Variants in TMLHE observed in about 807,000 individuals in gnomAD.
TMLHE encodes the protein trimethyllysine dioxygenase, mitochondrial.
In TMLHE, 18 loss-of-function variants were observed where a neutral mutation model predicts 25.7. The ratio of observed to expected loss-of-function variants is 0.70; its 90% CI spans 0.48 to 1.04. TMLHE has a LOEUF of 1.04. Ranked by LOEUF, TMLHE falls within the 50% of genes least tolerant of loss-of-function variation. TMLHE has a pLI of 0.00. For synonymous variants in TMLHE, 105 were observed against 97.0 expected (o/e 1.08, Z -0.49); for missense variants, 236 against 259.0 (o/e 0.91, Z 0.61).
At chrX:155,612,318 A>G (rs1461937939) in intron 1 of TMLHE, 2 of 111,885 alleles carry the variant, frequency 1.8e-5, no homozygotes, top group East Asian at 5.6e-4. Context: ...AGAACGAAAG[A>G]AAGTGCTGCA....
At chrX:155,512,155 T>A (rs1281968412) in intron 4 of TMLHE, among the ~76,000 whole-genome samples, 1 of 111,402 alleles carries the variant, frequency 9.0e-6, no homozygotes. Context: ...GGAAGTGATT[T>A]TTTTATTTTA....
Position 155,561,721 on chromosome X carries a change from G to T in TMLHE, c.-1-16444C>A, listed in dbSNP as rs1470223544. 5.0e-4 allele frequency among the ~76,000 whole-genome samples: 31 copies of T among 62,389 alleles called. 3 individuals are homozygous for T. The highest frequency in any genetic ancestry group is 1.0e-3 in the African/African-American group (29 of 28,120). 54.2% of individuals were successfully genotyped at this position (62,389 alleles called of 115,157 possible). A position where few individuals can be genotyped will look rare whatever the true frequency, so the allele number is the denominator to read the frequency against. ...TGGGTAAATGCTCCCATTCCAAATG[G>T]GAGAAATTGGCCAAAACAAAGGGGC... On this transcript the variant is annotated intron_variant, in intron 1 of 7. Transcript: ENST00000334398.
chrX:155,507,950 C>T (rs781811976), intron 5 of TMLHE, among the ~76,000 whole-genome samples: 2 of 110,462 alleles, frequency 1.8e-5, no homozygotes, highest in East Asian at 2.8e-4. Context: ...TGAGAGATAC[C>T]GAGATAGAAG....
At chrX:155,570,098 G>A (rs1171893452) in intron 1 of TMLHE, among the ~76,000 whole-genome samples, 2 of 55,839 alleles carry the variant, frequency 3.6e-5, no homozygotes, top group African/African-American at 4.3e-5. Context: ...CCCATCTCAC[G>A]TGCAGAGACA....
intron 5 of TMLHE, 22 bp from the exon 6 acceptor site, chrX:155,507,156 C>A (rs782020589): frequency 1.2e-5 from 13 of 1,095,360 alleles, no homozygotes; most frequent in African/African-American, 1.8e-5. Context: ...AAAGAAAATT[C>A]TTCTGTTCAG....
At chrX:155,546,561 G>T (rs955258197) in intron 1 of TMLHE, among the ~76,000 whole-genome samples, 1 of 111,256 alleles carries the variant, frequency 9.0e-6, no homozygotes, top group South Asian at 3.7e-4. Context: ...TGAGTTGTAA[G>T]CTGATGAAAG....
intron 1 of TMLHE, among the ~76,000 whole-genome samples, chrX:155,600,959 A>T (rs1358871580): frequency 8.9e-6 from 1 of 111,766 alleles, no homozygotes; most frequent in African/African-American, 3.3e-5. Flanking sequence ...ACCCCCTGGA[A>T]GCTAGCATAA....
At chrX:155,541,622 C>T (rs2067312952) in intron 2 of TMLHE, among the ~76,000 whole-genome samples, 1 of 111,913 alleles carries the variant, frequency 8.9e-6, no homozygotes, top group Non-Finnish European at 1.9e-5. Flanking sequence ...AATCTCCACA[C>T]TGTCTTCCAC....
intron 1 of TMLHE, among the ~76,000 whole-genome samples, chrX:155,588,302 CAGA>C (rs1420530076): frequency 9.0e-6 from 1 of 111,638 alleles, no homozygotes; most frequent in Non-Finnish European, 1.9e-5. Flanking sequence ...GACCTGTATG[CAGA>C]AGAATAAAAC....
In TMLHE at chrX:155,568,331, G is replaced by A. The variant is rs1485259295; in HGVS notation, c.-1-23054C>T. Among the ~76,000 whole-genome samples the A allele has an allele frequency of 8.1e-5, 5 of 61,713 alleles. 1 individual carries two copies. Among genetic ancestry groups the A allele is most frequent in the East Asian group, 1.5e-3 (2 of 1,375 alleles). The allele number at this position is 61,713 out of a possible 115,157, so 53.6% of individuals were successfully genotyped here. ...GCTTCCTTAGGTAAAAAAAGCAGCC[G>A]GGAAGCTCGAACTGGGTGGAGCCCA... On this transcript the variant is annotated intron_variant, in intron 1 of 7. Transcript: ENST00000334398.
chrX:155,545,879 T>C (rs370481709), intron 1 of TMLHE, among the ~76,000 whole-genome samples: 3 of 111,132 alleles, frequency 2.7e-5, no homozygotes, highest in South Asian at 3.8e-4. Context: ...AGGATGTTCA[T>C]ACAACCATGA....
At chrX:155,563,297 A>G (rs188820739) in intron 1 of TMLHE, among the ~76,000 whole-genome samples, 1 of 62,651 alleles carries the variant, frequency 1.6e-5, no homozygotes, top group African/African-American at 3.5e-5. Flanking sequence ...CACACCTTAC[A>G]TGGTAGCAGG....
chrX:155,581,576 G>A (rs1448471089), intron 1 of TMLHE, among the ~76,000 whole-genome samples: 2 of 110,875 alleles, frequency 1.8e-5, no homozygotes, highest in Non-Finnish European at 3.8e-5. Context: ...ATTCATAATT[G>A]CTTCAAAGAG....
intron 5 of TMLHE, among the ~76,000 whole-genome samples, chrX:155,510,635 T>C (rs1473821866): frequency 9.2e-6 from 1 of 108,523 alleles, no homozygotes; most frequent in Non-Finnish European, 1.9e-5. Flanking sequence ...ACATTTTCTT[T>C]ATCCAGTCTA....
intron 1 of TMLHE, among the ~76,000 whole-genome samples, chrX:155,594,196 G>T (rs1166349032): frequency 9.0e-6 from 1 of 111,395 alleles, no homozygotes; most frequent in Non-Finnish European, 1.9e-5. Context: ...CAAGATATAA[G>T]AAACACATCA....
At chrX:155,534,531 C>T (rs936180460) in intron 2 of TMLHE, among the ~76,000 whole-genome samples, 3 of 111,592 alleles carry the variant, frequency 2.7e-5, no homozygotes, top group Admixed American at 9.5e-5. Flanking sequence ...ACCTGGCACC[C>T]GGCCTTATTT....
chrX:155,509,504 A>G (rs1557333109), intron 5 of TMLHE, among the ~76,000 whole-genome samples: 1 of 111,740 alleles, frequency 8.9e-6, no homozygotes, highest in African/African-American at 3.2e-5. Context: ...ACAGTTGTTT[A>G]TCTCTGGTGT....
rs142435746 is a variant in TMLHE, at chrX:155,543,816, G to C, written c.181+1280C>G. ...TGTTAAAAGCCAGACATCTTGTATA[G>C]AGCAATAGCTACTGAGGTAAATAGG... On this transcript the variant is annotated intron_variant, in intron 2 of 7. Coordinates refer to ENST00000334398, the MANE Select transcript of TMLHE (RefSeq NM_018196.4). 3.8e-3 allele frequency among the ~76,000 whole-genome samples: 425 copies of C among 111,994 alleles called. 3 individuals carry two copies. The highest frequency in any genetic ancestry group is 0.013 in the African/African-American group (393 of 30,861).
intron 2 of TMLHE, among the ~76,000 whole-genome samples, chrX:155,530,918 A>G (rs782292395): frequency 1.8e-5 from 2 of 112,437 alleles, no homozygotes; most frequent in Non-Finnish European, 3.8e-5. Flanking sequence ...TAAAACCCCC[A>G]TGCATCTGGG....
Sources: allele counts gnomAD v4.1 joint callset (sites outside exome capture counted in the v4.1 genomes callset), GRCh38; gene constraint gnomAD v4.1.1; transcripts MANE v1.5; gene names NCBI Gene and HGNC (gene_info 2026-07-23, HGNC 2026-07-21).